Variants in TNR observed in about 807,000 individuals in gnomAD.
TNR encodes the protein tenascin-R.
Under a neutral mutation model 150.4 loss-of-function variants are expected in TNR, and 45 were observed. That is an observed-to-expected ratio of 0.30 (90% CI 0.24 to 0.38). The LOEUF is 0.38. Among genes scored for constraint, TNR ranks in the 10% least tolerant of loss-of-function variants. The probability of loss-of-function intolerance (pLI) is 1.00; values close to 1 mark genes in which losing one functional copy is unlikely to be tolerated. For synonymous variants in TNR, 687 were observed against 678.4 expected (o/e 1.01, Z -0.20); for missense variants, 1,544 against 1,759.1 (o/e 0.88, Z 2.19).
chr1:175,518,814 A>G (rs1659519598), intron 2 of TNR, among the ~76,000 whole-genome samples: 1 of 152,074 alleles, frequency 6.6e-6, no homozygotes, highest in Non-Finnish European at 1.5e-5. Context: ...CTTTACAGCC[A>G]CCAGCTTTTC....
intron 19 of TNR, among the ~76,000 whole-genome samples, chr1:175,337,096 T>C (rs552497826): frequency 9.9e-5 from 15 of 152,202 alleles, no homozygotes; most frequent in Non-Finnish European, 2.2e-4. Context: ...GATTTCTCCA[T>C]GTTGGCCAGG....
chr1:175,425,963 G>C (rs1654949367), intron 2 of TNR, among the ~76,000 whole-genome samples: 1 of 152,174 alleles, frequency 6.6e-6, no homozygotes, highest in Admixed American at 6.5e-5. Context: ...GTGGGCCTCA[G>C]TCTCTACCAC....
chr1:175,578,013 G>C (rs749689674), intron 1 of TNR, among the ~76,000 whole-genome samples: 1 of 152,158 alleles, frequency 6.6e-6, no homozygotes, highest in Non-Finnish European at 1.5e-5. Context: ...TTGAAAAGTT[G>C]TTGAAAGCAG....
intron 1 of TNR, among the ~76,000 whole-genome samples, chr1:175,607,811 A>C (rs1381835294): frequency 6.6e-6 from 1 of 152,242 alleles, no homozygotes; most frequent in African/African-American, 2.4e-5. Flanking sequence ...GTCTCTTTGC[A>C]TCTCAGCTTT....
In TNR at chr1:175,592,665, G is replaced by A. The variant is rs554245042; in HGVS notation, c.-164-64296C>T. On this transcript the variant is annotated intron_variant, in intron 1 of 22. Coordinates refer to ENST00000367674, the MANE Select transcript of TNR (RefSeq NM_003285.3). ...ACTCTGCTGTTAACCATCATTCAGCGGAGAGCATCAAGTGAGTTACAGAGG... is the reference window on the plus strand; with the variant it reads ...ACTCTGCTGTTAACCATCATTCAGCAGAGAGCATCAAGTGAGTTACAGAGG... Among the ~76,000 whole-genome samples, 288 of 152,306 alleles carry A rather than the reference G, an allele frequency of 1.9e-3. 2 individuals carry two copies. The highest frequency in any genetic ancestry group is 3.3e-3 in the Non-Finnish European group (227 of 68,022).
chr1:175,547,564 GGAAAGAAA>G (rs61602065), intron 1 of TNR, among the ~76,000 whole-genome samples: 12,720 of 130,806 alleles, frequency 0.097, 674 homozygotes, highest in Middle Eastern at 0.2. Flanking sequence ...AAAGATAGAA[GGAAAGAAA>G]GAAAGAAAGA....
chr1:175,727,363 T>C (rs1667508239), intron 1 of TNR, among the ~76,000 whole-genome samples: 1 of 152,004 alleles, frequency 6.6e-6, no homozygotes, highest in South Asian at 2.1e-4. Context: ...GACCAGGAGA[T>C]TTGGTGAGAT....
At chr1:175,341,354 T>C (rs965666166) in intron 18 of TNR, among the ~76,000 whole-genome samples, 4 of 152,242 alleles carry the variant, frequency 2.6e-5, no homozygotes, top group Non-Finnish European at 5.9e-5. Context: ...ATTTTTATTT[T>C]TTTTAGCACA....
intron 1 of TNR, among the ~76,000 whole-genome samples, chr1:175,719,219 TC>T (rs1667235116): frequency 6.6e-6 from 1 of 152,134 alleles, no homozygotes; most frequent in African/African-American, 2.4e-5. Flanking sequence ...GTGGCAGCTG[TC>T]CCCGGGCTGT....
intron 6 of TNR, among the ~76,000 whole-genome samples, chr1:175,392,390 C>T (rs1653216925): frequency 6.6e-6 from 1 of 152,182 alleles, no homozygotes; most frequent in Admixed American, 6.5e-5. Context: ...CCAGTGGCCT[C>T]AACCTACAGA....
intron 1 of TNR, among the ~76,000 whole-genome samples, chr1:175,578,021 C>T (rs1209258886): frequency 2.0e-5 from 3 of 152,138 alleles, no homozygotes; most frequent in Non-Finnish European, 4.4e-5. Flanking sequence ...TTGTTGAAAG[C>T]AGAAAATGAA....
intron 1 of TNR, among the ~76,000 whole-genome samples, chr1:175,613,849 C>T (rs192721129): frequency 2.0e-4 from 31 of 152,254 alleles, no homozygotes; most frequent in Non-Finnish European, 3.7e-4. Context: ...AACATGATGC[C>T]GTCTGTGCTC....
chr1:175,586,030 C>T (rs1301558892), intron 1 of TNR, among the ~76,000 whole-genome samples: 1 of 152,192 alleles, frequency 6.6e-6, no homozygotes, highest in African/African-American at 2.4e-5. Flanking sequence ...AAATAAGTGA[C>T]TAATAAGTAA....
intron 2 of TNR, among the ~76,000 whole-genome samples, chr1:175,517,799 T>G (rs1164249493): frequency 6.6e-6 from 1 of 152,222 alleles, no homozygotes; most frequent in Non-Finnish European, 1.5e-5. Context: ...CTGTGCGTCT[T>G]GCTCACATCT....
At chr1:175,352,363 T>C (rs1651091741) in intron 18 of TNR, among the ~76,000 whole-genome samples, 1 of 152,204 alleles carries the variant, frequency 6.6e-6, no homozygotes, top group Non-Finnish European at 1.5e-5. Context: ...AATTTAGACC[T>C]AATAAATATG....
intron 14 of TNR, among the ~76,000 whole-genome samples, chr1:175,361,041 A>G (rs553793482): frequency 7.2e-5 from 11 of 152,358 alleles, no homozygotes; most frequent in Non-Finnish European, 1.5e-4. Flanking sequence ...CTTTAGAGAT[A>G]CTAGCTGCTC....
At chr1:175,437,757 C>T (rs74372941) in intron 2 of TNR, among the ~76,000 whole-genome samples, 33,842 of 152,080 alleles carry the variant, frequency 0.22, 4,237 homozygotes, top group East Asian at 0.52. Flanking sequence ...CACCTCTACA[C>T]AAATAAACTA....
intron 2 of TNR, among the ~76,000 whole-genome samples, chr1:175,457,868 A>G (rs1215712732): frequency 6.6e-6 from 1 of 152,242 alleles, no homozygotes; most frequent in Non-Finnish European, 1.5e-5. Context: ...TCTTAGATGA[A>G]GAAACTGAGG....
At chr1:175,563,482 G>T (rs1449211744) in intron 1 of TNR, among the ~76,000 whole-genome samples, 1 of 152,170 alleles carries the variant, frequency 6.6e-6, no homozygotes, top group Non-Finnish European at 1.5e-5. Context: ...AGACACACCA[G>T]TTACTAGCCT....
Sources: allele counts gnomAD v4.1 joint callset (sites outside exome capture counted in the v4.1 genomes callset), GRCh38; gene constraint gnomAD v4.1.1; transcripts MANE v1.5; gene names NCBI Gene and HGNC (gene_info 2026-07-23, HGNC 2026-07-21).